The following USP32 variants were observed in gnomAD, a reference collection of about 807,000 sequenced individuals.
USP32 encodes ubiquitin specific peptidase 32.
A neutral mutation model predicts 204.8 loss-of-function variants in USP32; 59 were observed. The ratio of observed to expected loss-of-function variants is 0.29; its 90% confidence interval spans 0.23 to 0.36. The LOEUF (loss-of-function observed/expected upper bound fraction) is 0.36. Ranked by LOEUF, USP32 falls within the 10% of genes least tolerant of loss-of-function variation. USP32 has a pLI of 1.00. For missense variants in USP32, 1,160 were observed against 1,946.4 expected (o/e 0.60, Z 7.60); for synonymous variants, 517 against 678.4 (o/e 0.76, Z 3.70).
intron 2 of USP32, among the ~76,000 whole-genome samples, chr17:60,330,435 A>C (rs903636114): frequency 6.6e-6 from 1 of 150,618 alleles, no homozygotes; most frequent in Admixed American, 6.6e-5. Context: ...TTTAACTTAG[A>C]TTTCTTTCTT....
chr17:60,246,665 G>A (rs1244402240), intron 11 of USP32, among the ~76,000 whole-genome samples: 1 of 152,056 alleles, frequency 6.6e-6, no homozygotes, highest in Non-Finnish European at 1.5e-5. Context: ...CATCAATAGT[G>A]TACTAGCACT....
At chr17:60,285,537 G>C (rs1471043609) in intron 5 of USP32, among the ~76,000 whole-genome samples, 2 of 152,170 alleles carry the variant, frequency 1.3e-5, no homozygotes, top group Non-Finnish European at 2.9e-5. Flanking sequence ...CCCAAGATTG[G>C]AAAGATAGGA....
chr17:60,334,380 T>C (rs986627330), intron 2 of USP32, among the ~76,000 whole-genome samples: 2 of 152,226 alleles, frequency 1.3e-5, no homozygotes, highest in Non-Finnish European at 2.9e-5. Context: ...TTGTATTTTA[T>C]GCATTCACAA....
intron 1 of USP32, among the ~76,000 whole-genome samples, chr17:60,352,237 A>T (rs992177958): frequency 6.6e-6 from 1 of 152,210 alleles, no homozygotes; most frequent in South Asian, 2.1e-4. Flanking sequence ...AAGGCTTCTT[A>T]AAAGGTAACA....
chr17:60,370,606 AT>A (rs1367312092), intron 1 of USP32, among the ~76,000 whole-genome samples: 1 of 151,930 alleles, frequency 6.6e-6, no homozygotes, highest in Non-Finnish European at 1.5e-5. Flanking sequence ...ACAAAAAAAA[AT>A]ACAAAAAAAA....
At chr17:60,237,988 A>C (rs143383253) in intron 11 of USP32, among the ~76,000 whole-genome samples, 1 of 152,212 alleles carries the variant, frequency 6.6e-6, no homozygotes, top group Non-Finnish European at 1.5e-5. Context: ...AGGAACTGCC[A>C]AACTGTTTTC....
chr17:60,252,186 A>C (rs987130805), intron 11 of USP32, among the ~76,000 whole-genome samples, 195 bp downstream of exon 11: 8 of 152,150 alleles, frequency 5.3e-5, no homozygotes, highest in Non-Finnish European at 1.2e-4. Flanking sequence ...TTAATGTTAA[A>C]TAGAATTTGC....
intron 2 of USP32, among the ~76,000 whole-genome samples, chr17:60,320,629 A>G (rs2088089864): frequency 6.6e-6 from 1 of 152,216 alleles, no homozygotes; most frequent in African/African-American, 2.4e-5. Context: ...CCAGAAATTG[A>G]TGTTTTTTTC....
chr17:60,328,061 A>G (rs1335598393), intron 2 of USP32, among the ~76,000 whole-genome samples: 2 of 152,214 alleles, frequency 1.3e-5, no homozygotes, highest in Non-Finnish European at 2.9e-5. Context: ...AGAAGGGGGC[A>G]GGTCCCCACT....
intron 1 of USP32, among the ~76,000 whole-genome samples, chr17:60,419,135 C>G (rs905630347): frequency 2.2e-4 from 34 of 152,076 alleles, no homozygotes; most frequent in African/African-American, 7.5e-4. Context: ...CAATGGTAGA[C>G]TGAATAAAGA....
intron 10 of USP32, among the ~76,000 whole-genome samples, chr17:60,253,966 A>G (rs1412074564): frequency 6.6e-6 from 1 of 152,202 alleles, no homozygotes; most frequent in Admixed American, 6.5e-5. Context: ...TATATGTTTT[A>G]AATACATAAA....
At chr17:60,185,838 A>T in intron 29 of USP32, 187 bp from the exon 30 acceptor site, 1 of 610,878 alleles carries the variant, frequency 1.6e-6, no homozygotes, top group Non-Finnish European at 2.6e-6. Flanking sequence ...GAGGTGGGGT[A>T]ATTGCTTGAG....
chr17:60,245,726 TAATA>T (rs2086002601), intron 11 of USP32: 7 of 158,850 alleles, frequency 4.4e-5, no homozygotes, highest in Non-Finnish European at 6.9e-5. Context: ...ATGTGGATGT[TAATA>T]ACCGTCTGGT....
intron 2 of USP32, among the ~76,000 whole-genome samples, chr17:60,314,916 G>GA (rs2087936747): frequency 6.6e-6 from 1 of 151,966 alleles, no homozygotes; most frequent in East Asian, 1.9e-4. Flanking sequence ...GACAACAGAA[G>GA]AAACAATTTT....
chr17:60,285,130 C>T (rs137942340), intron 5 of USP32, among the ~76,000 whole-genome samples: 145 of 152,126 alleles, frequency 9.5e-4, no homozygotes, highest in African/African-American at 3.4e-3. Context: ...ACACTCTTTT[C>T]GATATTAACA....
intron 11 of USP32, among the ~76,000 whole-genome samples, chr17:60,242,660 G>T (rs896325033): frequency 5.3e-5 from 8 of 152,154 alleles, no homozygotes; most frequent in African/African-American, 1.9e-4. Flanking sequence ...AACCACCTCT[G>T]CCTCCTAAAG....
intron 1 of USP32, among the ~76,000 whole-genome samples, chr17:60,352,163 A>G (rs888808551): frequency 2.6e-5 from 4 of 152,226 alleles, no homozygotes; most frequent in Admixed American, 6.5e-5. Flanking sequence ...TATATTTTTC[A>G]GTTTCCCTTG....
Position 60,205,672 on chromosome 17 carries a change from G to T in USP32, c.3038-14C>A, listed in dbSNP as rs1468478826. 6 of 1,613,568 alleles carry T rather than the reference G, an allele frequency of 3.7e-6. No individual in the cohort carries two copies. The highest frequency in any genetic ancestry group is 5.1e-6 in the Non-Finnish European group (6 of 1,179,680). ...AAGAGGAGAAATCTACAAATTCAAA[G>T]ATAAGTACAGTATCATAAGCTTGTG... On this transcript the variant is annotated splice_polypyrimidine_tract_variant and intron_variant, in intron 25 of 33. Coordinates refer to ENST00000300896, the MANE Select transcript of USP32 (RefSeq NM_032582.4).
At chr17:60,253,817 T>A (rs1262612935) in intron 10 of USP32, among the ~76,000 whole-genome samples, 1 of 152,126 alleles carries the variant, frequency 6.6e-6, no homozygotes, top group Non-Finnish European at 1.5e-5. Context: ...ATTTTCATGT[T>A]ACCAAGCAAT....
Sources: allele counts gnomAD v4.1 joint callset (sites outside exome capture counted in the v4.1 genomes callset), GRCh38; gene constraint gnomAD v4.1.1; transcripts MANE v1.5; gene names NCBI Gene and HGNC (gene_info 2026-07-23, HGNC 2026-07-21).